Variants in MARCHF1 observed in about 807,000 individuals in gnomAD.
The protein encoded by MARCHF1 is membrane associated ring-CH-type finger 1.
Under a neutral mutation model 54.2 loss-of-function variants are expected in MARCHF1, and 40 were observed. The observed-to-expected ratio is 0.74, with a 90% CI of 0.57 to 0.96. MARCHF1 has a LOEUF of 0.96. Ranked by LOEUF, MARCHF1 falls within the 40% of genes least tolerant of loss-of-function variation. The probability of loss-of-function intolerance (pLI) is 0.00; values close to 1 mark genes in which losing one functional copy is unlikely to be tolerated. For synonymous variants in MARCHF1, 236 were observed against 236.3 expected, an observed-to-expected ratio of 1.00 and a Z score of 0.01; for missense variants, 586 against 656.5, an observed-to-expected ratio of 0.89 and a Z score of 1.17.
At chr4:163,545,177 C>A (rs140675147) in intron 9 of MARCHF1, among the ~76,000 whole-genome samples, 1 of 152,196 alleles carries the variant, frequency 6.6e-6, no homozygotes, top group Non-Finnish European at 1.5e-5. Context: ...AGAGCTATAA[C>A]ACATTCTCTA....
At chr4:163,597,725 T>C (rs1740823597) in intron 7 of MARCHF1, among the ~76,000 whole-genome samples, 1 of 152,172 alleles carries the variant, frequency 6.6e-6, no homozygotes, top group Non-Finnish European at 1.5e-5. Flanking sequence ...ATGAATAAAT[T>C]TGATAGATTT....
intron 4 of MARCHF1, among the ~76,000 whole-genome samples, chr4:163,735,630 T>G (rs1009892741): frequency 4.6e-5 from 7 of 152,218 alleles, no homozygotes; most frequent in Admixed American, 6.5e-5. Context: ...ATTCCATTAA[T>G]AAGGGAGAAG....
intron 5 of MARCHF1, among the ~76,000 whole-genome samples, chr4:163,664,428 A>T (rs972169930): frequency 6.6e-6 from 1 of 152,120 alleles, no homozygotes; most frequent in African/African-American, 2.4e-5. Flanking sequence ...ATTAAACATG[A>T]CAAAGAATGC....
At chr4:163,839,565 C>G (rs1435939360) in intron 4 of MARCHF1, among the ~76,000 whole-genome samples, 1 of 151,962 alleles carries the variant, frequency 6.6e-6, no homozygotes, top group African/African-American at 2.4e-5. Context: ...CATGGATGAA[C>G]CTCAAAAACA....
intron 4 of MARCHF1, among the ~76,000 whole-genome samples, chr4:163,723,092 G>A (rs769820733): frequency 9.7e-4 from 148 of 152,274 alleles, no homozygotes; most frequent in African/African-American, 3.2e-3. Flanking sequence ...TATTTTGCTC[G>A]TTAGTTGATG....
In MARCHF1 at chr4:163,646,521, T is replaced by C. The variant is rs138895880; in HGVS notation, c.163-33128A>G. On this transcript the variant is annotated intron_variant, in intron 5 of 9. Transcript: ENST00000514618. ...AGTGGTGGTGTATAAATTACTTATA[T>C]CTCTAATATAAAGATTAAAAGACAA... Among the ~76,000 whole-genome samples, 32 of 152,190 alleles carry C rather than the reference T, an allele frequency of 2.1e-4. No homozygotes were observed. The East Asian group carries it at 5.6e-3, about 27-fold the overall frequency.
In MARCHF1 at chr4:163,847,801, G is replaced by A. The variant is rs193112460; in HGVS notation, c.111+6220C>T. Among the ~76,000 whole-genome samples the A allele has an allele frequency of 3.2e-3, 484 of 151,870 alleles. 5 individuals carry two copies. Among genetic ancestry groups the A allele is most frequent in the African/African-American group, 0.011 (450 of 41,418 alleles). ...TCACCATGTTGGCCAGGCTAGTCTC[G>A]AACTCCAGGCGTCAAGCGATCCTCC... On this transcript the variant is annotated intron_variant, in intron 4 of 9. Transcript: ENST00000514618.
chr4:163,789,108 TTATG>T (rs1229929885), intron 4 of MARCHF1, among the ~76,000 whole-genome samples: 14 of 152,076 alleles, frequency 9.2e-5, no homozygotes, highest in African/African-American at 3.4e-4. Context: ...TCTTTTTCAT[TTATG>T]TATGTATTTA....
rs371128396 is a variant in MARCHF1, at chr4:164,310,203, G to A, written c.-323+73667C>T. Among the ~76,000 whole-genome samples, 41 of 152,040 alleles carry A rather than the reference G, an allele frequency of 2.7e-4. 4 individuals carry two copies. In the East Asian group the frequency reaches 3.7e-3, roughly 14 times the overall value. On this transcript the variant is annotated intron_variant, in intron 1 of 9. Coordinates refer to ENST00000514618, the MANE Select transcript of MARCHF1 (RefSeq NM_001394959.1). ...ACTGATTATCCTGCTTCAGCCTCCC[G>A]AGTAGCTGGGATCACAGGTGCGCAC...
At chr4:163,689,750 G>T (rs183209193) in intron 5 of MARCHF1, among the ~76,000 whole-genome samples, 2 of 151,702 alleles carry the variant, frequency 1.3e-5, no homozygotes, top group Non-Finnish European at 2.9e-5. Context: ...TATCATGTGT[G>T]GGATGAGTAA....
chr4:163,993,109 A>C (rs995305290), intron 2 of MARCHF1, among the ~76,000 whole-genome samples: 1 of 152,104 alleles, frequency 6.6e-6, no homozygotes, highest in Non-Finnish European at 1.5e-5. Context: ...TTACTGGGGA[A>C]ATTATGAAGC....
At chr4:163,668,153 T>C (rs767627918) in intron 5 of MARCHF1, among the ~76,000 whole-genome samples, 10 of 152,308 alleles carry the variant, frequency 6.6e-5, no homozygotes, top group South Asian at 2.1e-4. Context: ...CTCTGTGATG[T>C]AGACTACCAT....
At chr4:163,959,243 C>T (rs984166872) in intron 3 of MARCHF1, among the ~76,000 whole-genome samples, 1 of 151,666 alleles carries the variant, frequency 6.6e-6, no homozygotes, top group African/African-American at 2.4e-5. Context: ...CTGTGCTAGT[C>T]TGCTCAGGTT....
chr4:163,569,651 G>A (rs1295282226), intron 8 of MARCHF1, among the ~76,000 whole-genome samples: 1 of 152,072 alleles, frequency 6.6e-6, no homozygotes, highest in Admixed American at 6.6e-5. Flanking sequence ...ACAAAGCTAC[G>A]ATGACTGCTT....
chr4:163,524,310 GT>G (rs894932623), downstream of MARCHF1: 1 of 152,054 alleles, frequency 6.6e-6, no homozygotes, highest in Non-Finnish European at 1.5e-5. Flanking sequence ...AAACAGCTTT[GT>G]TTTTTGCTAT....
chr4:163,813,508 A>T (rs909651969), intron 4 of MARCHF1, among the ~76,000 whole-genome samples: 2 of 152,182 alleles, frequency 1.3e-5, no homozygotes, highest in Admixed American at 1.3e-4. Context: ...CACACATCTG[A>T]CTTCTACAAA....
chr4:164,279,283 G>A (rs923304601), intron 1 of MARCHF1, among the ~76,000 whole-genome samples: 3 of 151,342 alleles, frequency 2.0e-5, no homozygotes, highest in African/African-American at 7.3e-5. Context: ...AGGATTTTTA[G>A]AAGATAAGTA....
chr4:163,649,076 AT>A (rs553507301), intron 5 of MARCHF1, among the ~76,000 whole-genome samples: 112 of 151,932 alleles, frequency 7.4e-4, no homozygotes, highest in Non-Finnish European at 1.4e-3. Context: ...TATGTGATTT[AT>A]TTTTTTTCTA....
intron 4 of MARCHF1, among the ~76,000 whole-genome samples, chr4:163,781,118 G>GT (rs1747453614): frequency 6.6e-6 from 1 of 151,744 alleles, no homozygotes; most frequent in African/African-American, 2.4e-5. Context: ...CCAAGGGGCG[G>GT]GGGGGGTGGA....
Sources: allele counts gnomAD v4.1 joint callset (sites outside exome capture counted in the v4.1 genomes callset), GRCh38; gene constraint gnomAD v4.1.1; transcripts MANE v1.5; gene names NCBI Gene and HGNC (gene_info 2026-07-23, HGNC 2026-07-21).